CCDC85A: variants seen among roughly 807,000 people sequenced by gnomAD.
CCDC85A encodes coiled-coil domain-containing protein 85A.
In CCDC85A, 38 loss-of-function variants were observed where a neutral mutation model predicts 50.2. The ratio of observed to expected loss-of-function variants is 0.76; its 90% CI spans 0.58 to 0.99. The LOEUF (loss-of-function observed/expected upper bound fraction) is 0.99. Ranked by LOEUF, CCDC85A falls within the 50% of genes least tolerant of loss-of-function variation. The probability of loss-of-function intolerance (pLI) is 0.00; values close to 1 mark genes in which losing one functional copy is unlikely to be tolerated. For synonymous variants in CCDC85A, 366 were observed against 301.4 expected (o/e 1.21, Z -2.22); for missense variants, 820 against 742.0 (o/e 1.11, Z -1.22).
At chr2:56,356,604 G>T (rs1281272558) in intron 3 of CCDC85A, among the ~76,000 whole-genome samples, 1 of 151,720 alleles carries the variant, frequency 6.6e-6, no homozygotes, top group Non-Finnish European at 1.5e-5. Context: ...CATGGTGGCA[G>T]ACACCTGTAA....
intron 2 of CCDC85A, among the ~76,000 whole-genome samples, chr2:56,208,160 T>C (rs1454196692): frequency 6.6e-6 from 1 of 152,176 alleles, no homozygotes; most frequent in African/African-American, 2.4e-5. Context: ...ACTAAATTTC[T>C]AATTTTATCC....
chr2:56,209,108 C>T (rs1677080001), intron 2 of CCDC85A, among the ~76,000 whole-genome samples: 1 of 152,116 alleles, frequency 6.6e-6, no homozygotes, highest in Non-Finnish European at 1.5e-5. Flanking sequence ...TTTGAATTTG[C>T]TGCCTGAGTA....
At chr2:56,299,572 G>T (rs955665996) in intron 2 of CCDC85A, among the ~76,000 whole-genome samples, 5 of 152,038 alleles carry the variant, frequency 3.3e-5, no homozygotes, top group African/African-American at 9.7e-5. Flanking sequence ...GAGCAGCATT[G>T]AACATGAGAA....
intron 2 of CCDC85A, among the ~76,000 whole-genome samples, chr2:56,285,498 T>TA (rs1671400249): frequency 6.9e-6 from 1 of 145,676 alleles, no homozygotes; most frequent in African/African-American, 2.5e-5. Context: ...ACATTAATAA[T>TA]ATTATTATAG....
chr2:56,234,737 T>C (rs1668930599), intron 2 of CCDC85A, among the ~76,000 whole-genome samples: 2 of 152,162 alleles, frequency 1.3e-5, no homozygotes, highest in East Asian at 3.9e-4. Context: ...ATCGATTTAG[T>C]TGTCCTTACT....
intron 2 of CCDC85A, among the ~76,000 whole-genome samples, chr2:56,264,392 C>A (rs1670348601): frequency 6.6e-6 from 1 of 152,166 alleles, no homozygotes; most frequent in Non-Finnish European, 1.5e-5. Flanking sequence ...GCAACACCAT[C>A]TTTTCTACTT....
intron 2 of CCDC85A, among the ~76,000 whole-genome samples, chr2:56,231,507 A>G (rs1385767850): frequency 1.3e-5 from 2 of 152,194 alleles, no homozygotes; most frequent in African/African-American, 4.8e-5. Context: ...TAGGCAATAC[A>G]GGAGGCCTTA....
At chr2:56,209,536 G>A (rs1343409646) in intron 2 of CCDC85A, among the ~76,000 whole-genome samples, 1 of 151,634 alleles carries the variant, frequency 6.6e-6, no homozygotes, top group Admixed American at 6.6e-5. Context: ...ATACTTTGGG[G>A]CAAAGGTTTT....
chr2:56,269,213 C>G (rs966903023), intron 2 of CCDC85A, among the ~76,000 whole-genome samples: 9 of 152,158 alleles, frequency 5.9e-5, no homozygotes. Context: ...ATAGCAATAA[C>G]TTACCTTACC....
intron 2 of CCDC85A, among the ~76,000 whole-genome samples, chr2:56,313,622 C>G (rs549638318): frequency 9.2e-5 from 14 of 152,258 alleles, no homozygotes; most frequent in African/African-American, 3.4e-4. Flanking sequence ...GTTTACTGCT[C>G]TAATAAATCA....
At chr2:56,199,060 A>G (rs536713962) in intron 2 of CCDC85A, among the ~76,000 whole-genome samples, 1 of 152,302 alleles carries the variant, frequency 6.6e-6, no homozygotes, top group South Asian at 2.1e-4. Flanking sequence ...AGAAGATATG[A>G]TAGAAAAAAA....
intron 2 of CCDC85A, among the ~76,000 whole-genome samples, chr2:56,223,017 C>G (rs565293791): frequency 1.1e-4 from 17 of 152,138 alleles, no homozygotes; most frequent in Non-Finnish European, 2.4e-4. Context: ...CCTACCTACG[C>G]GTAAGTGCCA....
chr2:56,373,340 T>A (rs1465675262), intron 4 of CCDC85A, among the ~76,000 whole-genome samples: 1 of 152,008 alleles, frequency 6.6e-6, no homozygotes, highest in Non-Finnish European at 1.5e-5. Context: ...AAAATACTAT[T>A]GTAGCCCCCA....
At chr2:56,343,087 T>A (rs1478011948) in intron 3 of CCDC85A, 132 bp downstream of exon 3, 5 of 613,504 alleles carry the variant, frequency 8.1e-6, no homozygotes, top group Non-Finnish European at 1.4e-5. Flanking sequence ...CATTCATCAA[T>A]GTAGAGTGTG....
At chr2:56,194,280 C>A (rs1676441804) in intron 2 of CCDC85A, among the ~76,000 whole-genome samples, 1 of 152,202 alleles carries the variant, frequency 6.6e-6, no homozygotes, top group Non-Finnish European at 1.5e-5. Flanking sequence ...AGCTTTTAAA[C>A]CTTTTCGAAG....
At chr2:56,215,927 A>G (rs1677374283) in intron 2 of CCDC85A, among the ~76,000 whole-genome samples, 1 of 151,936 alleles carries the variant, frequency 6.6e-6, no homozygotes, top group African/African-American at 2.4e-5. Flanking sequence ...AAATTATGAC[A>G]TTTAAACTTC....
chr2:56,253,897 C>G (rs1669873394), intron 2 of CCDC85A, among the ~76,000 whole-genome samples: 1 of 152,098 alleles, frequency 6.6e-6, no homozygotes, highest in Admixed American at 6.5e-5. Context: ...GGACAAAGGA[C>G]AGGTGTGATT....
At chr2:56,265,529 C>T (rs1334056386) in intron 2 of CCDC85A, among the ~76,000 whole-genome samples, 1 of 152,046 alleles carries the variant, frequency 6.6e-6, no homozygotes, top group Admixed American at 6.6e-5. Context: ...AGATGGCCAA[C>T]AGGTATATGA....
At chr2:56,231,403 C>G (rs1251122259) in intron 2 of CCDC85A, among the ~76,000 whole-genome samples, 2 of 152,164 alleles carry the variant, frequency 1.3e-5, no homozygotes, top group African/African-American at 4.8e-5. Flanking sequence ...TGGAGTTAAG[C>G]AGACTCAACT....
Sources: allele counts gnomAD v4.1 joint callset (sites outside exome capture counted in the v4.1 genomes callset), GRCh38; gene constraint gnomAD v4.1.1; transcripts MANE v1.5; gene names NCBI Gene and HGNC (gene_info 2026-07-23, HGNC 2026-07-21).